ROBO2: variants seen among roughly 807,000 people sequenced by gnomAD.
ROBO2 encodes roundabout guidance receptor 2, also known as roundabout homolog 2.
In ROBO2, 53 loss-of-function variants were observed where a neutral mutation model predicts 160.8. That is an observed-to-expected ratio of 0.33 (90% CI 0.26 to 0.41). ROBO2 has a LOEUF of 0.41. ROBO2 is among the 10% of genes least tolerant of loss of function. The pLI is 1.00. For synonymous variants in ROBO2, 664 were observed against 611.7 expected, an observed-to-expected ratio of 1.09 and a Z score of -1.26; for missense variants, 1,577 against 1,722.4, an observed-to-expected ratio of 0.92 and a Z score of 1.49.
At chr3:76,391,802 T>C (rs2077167162) in intron 2 of ROBO2, among the ~76,000 whole-genome samples, 1 of 152,168 alleles carries the variant, frequency 6.6e-6, no homozygotes, top group Non-Finnish European at 1.5e-5. Context: ...AGACACCGCA[T>C]CCGGCCGATG....
intron 2 of ROBO2, among the ~76,000 whole-genome samples, chr3:76,951,289 T>C (rs2078939271): frequency 1.3e-5 from 2 of 152,364 alleles, no homozygotes; most frequent in East Asian, 1.9e-4. Flanking sequence ...ACATTTGTAC[T>C]CTCTTTTCTG....
At chr3:77,282,629 A>C (rs1307325271) in intron 2 of ROBO2, among the ~76,000 whole-genome samples, 1 of 152,146 alleles carries the variant, frequency 6.6e-6, no homozygotes, top group Admixed American at 6.6e-5. Flanking sequence ...CATACTTGAT[A>C]AAATGTAAGT....
chr3:77,637,757 T>G (rs555736010), intron 24 of ROBO2, among the ~76,000 whole-genome samples: 1 of 152,312 alleles, frequency 6.6e-6, no homozygotes, highest in African/African-American at 2.4e-5. Context: ...TGTTTGAAGA[T>G]AATATTCAGA....
At chr3:76,413,726 G>A (rs1261713694) in intron 2 of ROBO2, among the ~76,000 whole-genome samples, 1 of 152,122 alleles carries the variant, frequency 6.6e-6, no homozygotes, top group Non-Finnish European at 1.5e-5. Flanking sequence ...CATTCAACAC[G>A]TCTCTAGGAA....
intron 2 of ROBO2, among the ~76,000 whole-genome samples, chr3:76,022,582 G>A (rs1358361173): frequency 6.6e-6 from 1 of 151,618 alleles, no homozygotes; most frequent in Admixed American, 6.6e-5. Flanking sequence ...GGGTGTTCAG[G>A]TACATTGTCA....
intron 2 of ROBO2, among the ~76,000 whole-genome samples, chr3:77,435,827 A>G (rs192070105): frequency 5.9e-5 from 9 of 151,818 alleles, no homozygotes; most frequent in Non-Finnish European, 1.5e-5. Context: ...AACATATCTT[A>G]AAGTATATCT....
At chr3:77,486,159 A>G (rs112292246) in intron 4 of ROBO2, among the ~76,000 whole-genome samples, 1 of 152,074 alleles carries the variant, frequency 6.6e-6, no homozygotes, top group Non-Finnish European at 1.5e-5. Flanking sequence ...TTTGTACCAC[A>G]TTTTCTTTAT....
At chr3:77,207,061 G>A (rs1055066474) in intron 2 of ROBO2, among the ~76,000 whole-genome samples, 17 of 152,222 alleles carry the variant, frequency 1.1e-4, no homozygotes, top group African/African-American at 4.1e-4. Flanking sequence ...AAAGAATATA[G>A]TTTAAACAAT....
At chr3:77,551,162 C>T (rs1291064025) in intron 8 of ROBO2, among the ~76,000 whole-genome samples, 173 bp downstream of exon 9, 2 of 152,004 alleles carry the variant, frequency 1.3e-5, no homozygotes, top group Non-Finnish European at 2.9e-5. Context: ...TGATTGAATA[C>T]CACTTATTTT....
intron 2 of ROBO2, among the ~76,000 whole-genome samples, chr3:76,092,265 TAC>T (rs1159965467): frequency 6.6e-6 from 1 of 152,196 alleles, no homozygotes; most frequent in Non-Finnish European, 1.5e-5. Context: ...ATTTAAAAAA[TAC>T]ACATATATTT....
chr3:76,724,735 A>G (rs267124), intron 2 of ROBO2, among the ~76,000 whole-genome samples: 1 of 152,088 alleles, frequency 6.6e-6, no homozygotes, highest in Non-Finnish European at 1.5e-5. Flanking sequence ...TAATCTCTGC[A>G]ACCTATAAAT....
intron 2 of ROBO2, among the ~76,000 whole-genome samples, chr3:76,787,936 C>A (rs2108685969): frequency 1.3e-5 from 2 of 151,448 alleles, no homozygotes; most frequent in South Asian, 4.2e-4. Context: ...GAAACAGTAC[C>A]TAAGCACCTG....
intron 2 of ROBO2, among the ~76,000 whole-genome samples, chr3:76,803,686 A>G (rs926646476): frequency 1.3e-5 from 2 of 152,312 alleles, no homozygotes; most frequent in African/African-American, 4.8e-5. Flanking sequence ...CAAATAAATT[A>G]TATATTTATG....
At chr3:77,600,798 T>C (rs2094415164) in intron 19 of ROBO2, among the ~76,000 whole-genome samples, 1 of 152,196 alleles carries the variant, frequency 6.6e-6, no homozygotes. Context: ...ATGCTTAACA[T>C]CAAATTTTGT....
intron 2 of ROBO2, among the ~76,000 whole-genome samples, chr3:76,459,106 C>CA (rs147912238): frequency 0.045 from 6,879 of 152,278 alleles, 467 homozygotes; most frequent in African/African-American, 0.15. Flanking sequence ...TGCATTAAAA[C>CA]ACTTTCCTTT....
At chr3:76,577,152 A>C (rs2085359931) in intron 2 of ROBO2, among the ~76,000 whole-genome samples, 1 of 152,128 alleles carries the variant, frequency 6.6e-6, no homozygotes, top group Non-Finnish European at 1.5e-5. Context: ...TTGTTAGAGA[A>C]CAAATCTCTT....
At chr3:77,380,351 A>C (rs774586091) in intron 2 of ROBO2, among the ~76,000 whole-genome samples, 2 of 152,194 alleles carry the variant, frequency 1.3e-5, no homozygotes, top group Admixed American at 6.5e-5. Context: ...TACTGAGTTC[A>C]TGGAACACAA....
At chr3:77,042,562 G>A (rs2064204292) in intron 1 of ROBO2, among the ~76,000 whole-genome samples, 2 of 152,200 alleles carry the variant, frequency 1.3e-5, no homozygotes, top group Admixed American at 1.3e-4. Context: ...CAGGAAATCA[G>A]AAGAGCTTGG....
intron 2 of ROBO2, among the ~76,000 whole-genome samples, chr3:76,061,537 G>A (rs1328961412): frequency 6.6e-6 from 1 of 152,148 alleles, no homozygotes; most frequent in Non-Finnish European, 1.5e-5. Flanking sequence ...TTGTTTGATA[G>A]TAGAGACGTG....
Sources: allele counts gnomAD v4.1 joint callset (sites outside exome capture counted in the v4.1 genomes callset), GRCh38; gene constraint gnomAD v4.1.1; transcripts MANE v1.5; gene names NCBI Gene and HGNC (gene_info 2026-07-23, HGNC 2026-07-21).